The following BPIFC variants were observed in gnomAD, a reference collection of about 807,000 sequenced individuals.
BPIFC encodes the protein BPI fold containing family C.
Under a neutral mutation model 57.6 loss-of-function variants are expected in BPIFC, and 60 were observed. The ratio of observed to expected loss-of-function variants is 1.04; its 90% CI spans 0.85 to 1.29. The LOEUF (loss-of-function observed/expected upper bound fraction) is 1.29. Among genes scored for constraint, BPIFC ranks in the 50% most tolerant of loss-of-function variants. BPIFC has a pLI of 0.00. For missense variants in BPIFC, 581 were observed against 600.5 expected, an observed-to-expected ratio of 0.97 and a Z score of 0.34; for synonymous variants, 243 against 224.5, an observed-to-expected ratio of 1.08 and a Z score of -0.74.
intron 7 of BPIFC, among the ~76,000 whole-genome samples, chr22:32,444,444 C>T (rs182783905): frequency 3.3e-5 from 5 of 152,292 alleles, no homozygotes; most frequent in African/African-American, 9.6e-5. Context: ...GAGAGATGGA[C>T]GTGACCAGAC....
intron 13 of BPIFC, among the ~76,000 whole-genome samples, chr22:32,421,686 G>A (rs781546037): frequency 4.6e-5 from 7 of 152,200 alleles, no homozygotes; most frequent in Admixed American, 4.6e-4. Context: ...TTATGTGTCA[G>A]CACTGGGACA....
chr22:32,434,478 CATTTAT>C (rs1934338484), intron 10 of BPIFC, among the ~76,000 whole-genome samples: 1 of 148,844 alleles, frequency 6.7e-6, no homozygotes, highest in African/African-American at 2.5e-5. Context: ...ACATATTCTT[CATTTAT>C]ATATATTACA....
At chr22:32,429,528 T>G (rs531259937) in intron 13 of BPIFC, among the ~76,000 whole-genome samples, 14 of 140,164 alleles carry the variant, frequency 1.0e-4, no homozygotes, top group Admixed American at 4.3e-4. Flanking sequence ...TTTTTTTTTT[T>G]TTTTTTTTCA....
intron 5 of BPIFC, among the ~76,000 whole-genome samples, 190 bp downstream of exon 5, chr22:32,447,022 A>T (rs567394834): frequency 6.6e-5 from 10 of 152,336 alleles, no homozygotes; most frequent in African/African-American, 1.9e-4. Context: ...TAAGAGAAGA[A>T]TGTTTTTCAT....
At chr22:32,429,335 C>G (rs999205474) in intron 13 of BPIFC, among the ~76,000 whole-genome samples, 15 of 150,548 alleles carry the variant, frequency 1.0e-4, no homozygotes, top group Non-Finnish European at 2.2e-4. Context: ...GCCTCCCAAG[C>G]AGCTGGAGCT....
chr22:32,445,210 T>C (rs1934682484), intron 7 of BPIFC, among the ~76,000 whole-genome samples: 1 of 152,188 alleles, frequency 6.6e-6, no homozygotes, highest in South Asian at 2.1e-4. Flanking sequence ...TAGCACACAG[T>C]AGATGCTCAA....
At chr22:32,432,647 G>A in intron 11 of BPIFC, 104 bp from the exon 12 acceptor site, 1 of 1,099,172 alleles carries the variant, frequency 9.1e-7, no homozygotes, top group Non-Finnish European at 1.3e-6. Flanking sequence ...ACATTGTGCA[G>A]TTAGAATAGA....
intron 1 of BPIFC, among the ~76,000 whole-genome samples, chr22:32,464,090 T>G (rs1163725357): frequency 1.3e-5 from 2 of 152,216 alleles, no homozygotes; most frequent in Non-Finnish European, 2.9e-5. Context: ...GCAACCCTCT[T>G]AACATTGTTC....
At chr22:32,420,870 A>G (rs1933828431) in intron 13 of BPIFC, among the ~76,000 whole-genome samples, 1 of 152,250 alleles carries the variant, frequency 6.6e-6, no homozygotes, top group South Asian at 2.1e-4. Context: ...AAAAAAGAAC[A>G]ATACCTGCCT....
intron 3 of BPIFC, among the ~76,000 whole-genome samples, chr22:32,454,549 T>G (rs553596665): frequency 6.6e-6 from 1 of 152,316 alleles, no homozygotes; most frequent in East Asian, 1.9e-4. Flanking sequence ...TTAAAGAGCT[T>G]GAGAAAAGTA....
intron 4 of BPIFC, among the ~76,000 whole-genome samples, chr22:32,450,674 G>A (rs1456826480): frequency 2.0e-5 from 3 of 151,480 alleles, no homozygotes; most frequent in Non-Finnish European, 4.4e-5. Flanking sequence ...TTCAAACATT[G>A]GATTTTATGA....
At chr22:32,448,037 T>C in intron 4 of BPIFC, among the ~76,000 whole-genome samples, 1 of 152,118 alleles carries the variant, frequency 6.6e-6, no homozygotes, top group East Asian at 1.9e-4. Context: ...GGGTGATATT[T>C]GTATTTTGCA....
Position 32,447,300 on chromosome 22 carries a change from C to G in BPIFC, c.286G>C (p.Ala96Pro), listed in dbSNP as rs532878770. ...SAFSFPNTSLAFVPGVGIKAL... is the reference protein window; with the variant it reads ...SAFSFPNTSLPFVPGVGIKAL... ...TTGATTCCCACTCCAGGCACAAAAG[C>G]CAATGAGGTATTTGGAAATGAAAAG... Residue 96 changes from alanine (A) to proline (P), a missense_variant, in exon 5 of 17, where the codon GCT (alanine) becomes CCT (proline). Transcript: ENST00000300399. 5 of 1,613,996 alleles carry G rather than the reference C, an allele frequency of 3.1e-6. No homozygotes were observed. Among genetic ancestry groups the G allele is most frequent in the Non-Finnish European group, 4.2e-6 (5 of 1,179,958 alleles).
intron 13 of BPIFC, among the ~76,000 whole-genome samples, chr22:32,430,478 AAAAT>A (rs1213588075): frequency 6.7e-6 from 1 of 148,760 alleles, no homozygotes; most frequent in Non-Finnish European, 1.5e-5. Context: ...ATGTTTATAT[AAAAT>A]AAATAAAAAT....
At chr22:32,439,478 T>C (rs1934504140) in intron 8 of BPIFC, among the ~76,000 whole-genome samples, 1 of 152,226 alleles carries the variant, frequency 6.6e-6, no homozygotes, top group African/African-American at 2.4e-5. Flanking sequence ...CTCCCTGTTC[T>C]AGAGAAAGTT....
At chr22:32,461,926 C>A (rs149219690) in intron 1 of BPIFC, among the ~76,000 whole-genome samples, 1,934 of 152,132 alleles carry the variant, frequency 0.013, 39 homozygotes, top group African/African-American at 0.045. Context: ...ATAATCCTGG[C>A]ACCTTGGAAG....
intron 4 of BPIFC, among the ~76,000 whole-genome samples, chr22:32,451,379 G>T (rs1934891936): frequency 6.6e-6 from 1 of 152,162 alleles, no homozygotes. Flanking sequence ...ACTCCTTTGG[G>T]TATATACCCA....
rs565261375 is a variant in BPIFC at position 32,434,725 on chromosome 22, T to C, written c.925-953A>G. 9.3e-4 allele frequency among the ~76,000 whole-genome samples: 141 copies of C among 152,306 alleles called. 2 individuals are homozygous for C. The highest frequency in any genetic ancestry group is 3.0e-3 in the African/African-American group (124 of 41,568). ...GCAGCTAGAAGTGTCTAATTCTCAG[T>C]ATCGTAAGATAGCCACTGCTGCCAT... On this transcript the variant is annotated intron_variant, in intron 10 of 16. Transcript: ENST00000300399.
At chr22:32,432,901 G>A (rs916969310) in intron 11 of BPIFC, among the ~76,000 whole-genome samples, 1 of 152,096 alleles carries the variant, frequency 6.6e-6, no homozygotes, top group Admixed American at 6.6e-5. Context: ...TGGTAGAATT[G>A]GGATTCAAAT....
Sources: allele counts gnomAD v4.1 joint callset (sites outside exome capture counted in the v4.1 genomes callset), GRCh38; gene constraint gnomAD v4.1.1; transcripts MANE v1.5; gene names NCBI Gene and HGNC (gene_info 2026-07-23, HGNC 2026-07-21).